HOXA3: variants seen among roughly 807,000 people sequenced by gnomAD.
The protein encoded by HOXA3 is homeobox A3.
In HOXA3, 8 loss-of-function variants were observed where a neutral mutation model predicts 30.3. The ratio of observed to expected loss-of-function variants is 0.26; its 90% confidence interval spans 0.15 to 0.48. The LOEUF is 0.48. Ranked by LOEUF, HOXA3 falls within the 20% of genes least tolerant of loss-of-function variation. The probability of loss-of-function intolerance (pLI) is 0.99; values close to 1 mark genes in which losing one functional copy is unlikely to be tolerated. For synonymous variants in HOXA3, 323 were observed against 273.1 expected, an observed-to-expected ratio of 1.18 and a Z score of -1.80; for missense variants, 653 against 614.4, an observed-to-expected ratio of 1.06 and a Z score of -0.66.
chr7:27,143,856 G>GGCGCGCGCGCCCCGGGC (rs1249495780), intron 1 of HOXA3, among the ~76,000 whole-genome samples: 1 of 152,104 alleles, frequency 6.6e-6, no homozygotes, highest in African/African-American at 2.4e-5. Flanking sequence ...CGAGGGGGGT[G>GGCGCGCGCGCCCCGGGC]GCGCGCGCGC....
chr7:27,126,600 A>G (rs978606485), intron 3 of HOXA3, among the ~76,000 whole-genome samples: 3 of 152,180 alleles, frequency 2.0e-5, no homozygotes, highest in African/African-American at 7.2e-5. Flanking sequence ...TGAAGCAGGC[A>G]AAACAACACT....
intron 1 of HOXA3, among the ~76,000 whole-genome samples, chr7:27,144,272 GGA>G (rs939236678): frequency 7.2e-5 from 11 of 152,156 alleles, no homozygotes; most frequent in African/African-American, 2.7e-4. Context: ...TTAGCCAATT[GGA>G]GAAATAAATC....
intron 5 of HOXA3, among the ~76,000 whole-genome samples, chr7:27,109,824 G>T (rs913788104): frequency 2.0e-5 from 3 of 152,194 alleles, no homozygotes; most frequent in Non-Finnish European, 4.4e-5. Context: ...CTGCACAGAG[G>T]TCCTAACTCC....
chr7:27,134,343 T>C (rs761857641), intron 2 of HOXA3: 9 of 152,232 alleles, frequency 5.9e-5, no homozygotes, highest in Non-Finnish European at 1.0e-4. Flanking sequence ...ACATGAATTT[T>C]AACTGGGATT....
At chr7:27,143,471 C>T in intron 1 of HOXA3, 1 of 1,613,758 alleles carries the variant, frequency 6.2e-7, no homozygotes, top group Non-Finnish European at 8.5e-7. Flanking sequence ...GTAGCCGTAG[C>T]CGTACCTGCC....
chr7:27,132,841 C>T (rs1785602732), intron 2 of HOXA3, among the ~76,000 whole-genome samples: 1 of 152,188 alleles, frequency 6.6e-6, no homozygotes, highest in South Asian at 2.1e-4. Context: ...AAAAGCATGA[C>T]AAGGAAATCT....
chr7:27,114,319 A>G (rs1380035364), intron 4 of HOXA3, among the ~76,000 whole-genome samples: 2 of 152,134 alleles, frequency 1.3e-5, no homozygotes, highest in Non-Finnish European at 2.9e-5. Context: ...TTCGTTTGAG[A>G]AACTTCGTAT....
chr7:27,147,619 G>GC (rs766149827), intron 1 of HOXA3: 1 of 1,614,216 alleles, frequency 6.2e-7, no homozygotes, highest in South Asian at 1.1e-5. Flanking sequence ...GAGACTCGAC[G>GC]CCCCGTACGA....
At chr7:27,119,748 T>G (rs1784912037) in intron 4 of HOXA3, among the ~76,000 whole-genome samples, 2 of 152,056 alleles carry the variant, frequency 1.3e-5, no homozygotes, top group Non-Finnish European at 2.9e-5. Context: ...CTGATGAAAA[T>G]GTAAGGCCTT....
chr7:27,138,468 T>A (rs1163847566), intron 2 of HOXA3, among the ~76,000 whole-genome samples: 1 of 152,246 alleles, frequency 6.6e-6, no homozygotes, highest in African/African-American at 2.4e-5. Flanking sequence ...TGCTGAAAAC[T>A]GCCCAGCTCC....
At chr7:27,143,281 C>T in intron 1 of HOXA3, 1 of 1,604,680 alleles carries the variant, frequency 6.2e-7, no homozygotes. Context: ...CGCTGCCGGG[C>T]GAGGGGGCCA....
rs1193917372 is a variant in HOXA3, at chr7:27,113,453, G to A, written c.-120-2693C>T. 6.6e-6 allele frequency among the ~76,000 whole-genome samples: 1 copy of A among 152,168 alleles called. No homozygotes were observed. The highest frequency in any genetic ancestry group is 1.5e-5 in the Non-Finnish European group (1 of 68,038). On this transcript the variant is annotated intron_variant, in intron 4 of 5. Transcript: ENST00000612286. The surrounding 1 kb of genome is among the most constrained non-coding windows in gnomAD (Gnocchi z 4.8). ...TAGGGGAGAGGCAAGAGGTGGGGGC[G>A]GGGATGGGAAAGCGGCCTGAACTCG...
chr7:27,116,707 TTA>T (rs3216925), intron 4 of HOXA3: 2 of 152,308 alleles, frequency 1.3e-5, no homozygotes, highest in East Asian at 3.9e-4. Flanking sequence ...ACTATATTAT[TTA>T]TGAGTCTTTA....
At chr7:27,151,824 GGTC>G (rs146655311) in intron 1 of HOXA3, 6,137 of 374,278 alleles carry the variant, frequency 0.016, 203 homozygotes, top group African/African-American at 0.087. Context: ...GGTCAAGGAT[GGTC>G]TCCTCTTGTT....
At chr7:27,129,686 A>G in intron 2 of HOXA3, 2 of 1,140,494 alleles carry the variant, frequency 1.8e-6, no homozygotes, top group Non-Finnish European at 1.3e-6. Flanking sequence ...ATCATTATAT[A>G]ATAACCTGAC....
rs148350002 is a variant in HOXA3 at position 27,110,238 on chromosome 7, G to T, written c.403C>A (p.Pro135Thr). 20 of 1,613,958 alleles carry T rather than the reference G, an allele frequency of 1.2e-5. No individual in the cohort carries two copies. Among genetic ancestry groups the T allele is most frequent in the Non-Finnish European group, 1.5e-5 (18 of 1,180,024 alleles). Reference sequence around the variant, plus strand: ...CTCTTGGCCGCGTTGGCAGGGGTAGGGTTGTTGCTGGCATTCTGAGGAGGG... The same window carrying T: ...CTCTTGGCCGCGTTGGCAGGGGTAGTGTTGTTGCTGGCATTCTGAGGAGGG... ...ASPPQNASNN[P>T]TPANAAKSPL... The change falls in exon 5 of 6, where the codon CCT becomes ACT. Residue 135 changes from proline (P) to threonine (T), a missense_variant. This residue lies in a region of HOXA3 where 320 missense variants were observed against 321.9 expected (regional missense o/e 0.99). Coordinates refer to ENST00000612286, the MANE Select transcript of HOXA3 (RefSeq NM_153631.3).
Position 27,107,754 on chromosome 7 carries a change from C to A in HOXA3, c.*161G>T. 1 of 519,558 alleles carries A rather than the reference C, an allele frequency of 1.9e-6. No homozygotes were observed. The highest frequency in any genetic ancestry group is 3.3e-6 in the Non-Finnish European group (1 of 305,356). The allele number at this position is 519,558 out of a possible 1,614,324, so 32.2% of individuals were successfully genotyped here. On this transcript the variant is annotated 3_prime_UTR_variant, in exon 6 of 6. Coordinates refer to ENST00000612286, the MANE Select transcript of HOXA3 (RefSeq NM_153631.3). ...CACATAAACTATAAAAACGCCTTACCAACGAGGGGGGAAACCGGGAAACGG... is the reference window on the plus strand; with the variant it reads ...CACATAAACTATAAAAACGCCTTACAAACGAGGGGGGAAACCGGGAAACGG...
intron 5 of HOXA3, among the ~76,000 whole-genome samples, chr7:27,109,788 G>T (rs1175173378): frequency 1.3e-5 from 2 of 152,206 alleles, no homozygotes; most frequent in African/African-American, 4.8e-5. Flanking sequence ...GTGCTAAAAA[G>T]ATAGACAGTG....
In HOXA3 at chr7:27,108,801, TCCACCAGGC is replaced by T; in HGVS notation, c.527-90_527-82del. ...CCCCTGACCCAGCCCGGCCCCTCCT[TCCACCAGGC>T]CCCAAAGGTTCCTGCATCCGTCAGG... is the stretch of plus-strand genomic sequence containing the variant. On this transcript the variant is annotated intron_variant, in intron 5 of 5. Transcript: ENST00000612286. The surrounding 1 kb of genome is among the most constrained non-coding windows in gnomAD (Gnocchi z 5.0). 9.3e-7 allele frequency: 1 copy of T among 1,078,010 alleles called. No homozygotes were observed. The highest frequency in any genetic ancestry group is 1.3e-6 in the Non-Finnish European group (1 of 760,990). 66.8% of individuals were successfully genotyped at this position (1,078,010 alleles called of 1,614,324 possible).
Sources: allele counts gnomAD v4.1 joint callset (sites outside exome capture counted in the v4.1 genomes callset), GRCh38; gene constraint gnomAD v4.1.1; regional missense constraint gnomAD v4.1.1; non-coding constraint Gnocchi (gnomAD v3.1); transcripts MANE v1.5; gene names NCBI Gene and HGNC (gene_info 2026-07-23, HGNC 2026-07-21).